The following ARMH3 variants were observed in gnomAD, a reference collection of about 807,000 sequenced individuals.
The protein encoded by ARMH3 is armadillo-like helical domain-containing protein 3.
Under a neutral mutation model 99.1 loss-of-function variants are expected in ARMH3, and 60 were observed. That is an observed-to-expected ratio of 0.61 (90% CI 0.49 to 0.75). The LOEUF (loss-of-function observed/expected upper bound fraction) is 0.75, where lower values mean the gene tolerates loss of function less well. Among genes scored for constraint, ARMH3 ranks in the 30% least tolerant of loss-of-function variants. ARMH3 has a pLI of 0.00. For missense variants in ARMH3, 679 were observed against 843.1 expected, an observed-to-expected ratio of 0.81 and a Z score of 2.41; for synonymous variants, 285 against 292.8, an observed-to-expected ratio of 0.97 and a Z score of 0.27.
chr10:101,913,351 C>T (rs1457820758), intron 23 of ARMH3: 1 of 120,744 alleles, frequency 8.3e-6, no homozygotes, highest in Non-Finnish European at 1.8e-5. Context: ...CTCTCTCTCT[C>T]TCTCTCTCTC....
intron 23 of ARMH3, among the ~76,000 whole-genome samples, chr10:101,916,036 C>T (rs1429467936): frequency 6.6e-6 from 1 of 152,012 alleles, no homozygotes; most frequent in Non-Finnish European, 1.5e-5. Context: ...GATCTCCTGA[C>T]CTCGTGATCC....
Position 102,040,097 on chromosome 10 carries a change from T to C in ARMH3, c.18A>G (p.Lys6=). 6.2e-7 allele frequency: 1 copy of C among 1,614,198 alleles called. No homozygotes were observed. The highest frequency in any genetic ancestry group is 1.6e-4 in the Middle Eastern group (1 of 6,062). The change falls in exon 2 of 26, where the codon AAA becomes AAG. Residue 6 remains lysine, a synonymous_variant. Coordinates refer to ENST00000370033, the MANE Select transcript of ARMH3 (RefSeq NM_024541.3). ...AAGATTTCCGGAGCAAACCTCCACGTTTCTCTACCTGTGCCATGGTTAGAG... is the reference window on the plus strand; with the variant it reads ...AAGATTTCCGGAGCAAACCTCCACGCTTCTCTACCTGTGCCATGGTTAGAG... The part of the protein sequence containing the change: MAQVE[K]RGGLLRKSSA...
At chr10:102,024,797 C>A (rs764656164) in intron 6 of ARMH3, among the ~76,000 whole-genome samples, 1 of 149,372 alleles carries the variant, frequency 6.7e-6, no homozygotes, top group African/African-American at 2.5e-5. Flanking sequence ...CCAGCCTGGG[C>A]GACGGAGCAA....
intron 20 of ARMH3, among the ~76,000 whole-genome samples, chr10:101,960,441 T>C (rs1378140558): frequency 2.0e-5 from 3 of 152,156 alleles, no homozygotes; most frequent in Admixed American, 6.5e-5. Flanking sequence ...TGATTATAGA[T>C]TTTTAGAGCT....
Position 101,924,355 on chromosome 10 carries a change from T to C in ARMH3, c.1781+15508A>G, listed in dbSNP as rs529307414. ...TATTTTACTTTGGTCTTTGTGCTTT[T>C]CTGCATTGCTTTTTTTTTTTTTTTG... On this transcript the variant is annotated intron_variant, in intron 23 of 25. Coordinates refer to ENST00000370033, the MANE Select transcript of ARMH3 (RefSeq NM_024541.3). Among the ~76,000 whole-genome samples the C allele has an allele frequency of 1.9e-3, 291 of 151,800 alleles. 4 individuals are homozygous for C. The highest frequency in any genetic ancestry group is 6.8e-3 in the African/African-American group (281 of 41,416).
intron 23 of ARMH3, among the ~76,000 whole-genome samples, chr10:101,930,012 C>T (rs930632449): frequency 6.6e-6 from 1 of 152,044 alleles, no homozygotes; most frequent in African/African-American, 2.4e-5. Context: ...CATGTTGGTA[C>T]TCAAAAAGTT....
chr10:101,860,612 A>C (rs2066844131), intron 24 of ARMH3, among the ~76,000 whole-genome samples: 1 of 152,232 alleles, frequency 6.6e-6, no homozygotes, highest in African/African-American at 2.4e-5. Context: ...CTAAATATTA[A>C]TAATATGGAT....
At chr10:102,026,111 T>C (rs1000061739) in intron 5 of ARMH3, among the ~76,000 whole-genome samples, 119 of 152,298 alleles carry the variant, frequency 7.8e-4, no homozygotes, top group Non-Finnish European at 2.4e-4. Context: ...AATTTATCAC[T>C]GCACTAAAAG....
At chr10:101,864,400 C>A (rs1298543091) in intron 24 of ARMH3, among the ~76,000 whole-genome samples, 1 of 152,154 alleles carries the variant, frequency 6.6e-6, no homozygotes, top group Non-Finnish European at 1.5e-5. Flanking sequence ...TGGGTATATA[C>A]CCAAAGGATT....
At chr10:101,865,991 C>T (rs1363539976) in intron 24 of ARMH3, among the ~76,000 whole-genome samples, 2 of 151,202 alleles carry the variant, frequency 1.3e-5, no homozygotes, top group South Asian at 2.1e-4. Flanking sequence ...GAGGCCGAGG[C>T]AGGTGGATCA....
intron 1 of ARMH3, among the ~76,000 whole-genome samples, chr10:102,055,801 G>A (rs189060329): frequency 6.6e-6 from 1 of 152,338 alleles, no homozygotes; most frequent in East Asian, 1.9e-4. Flanking sequence ...GGCCCCGCAG[G>A]GATGCGGGAG....
intron 23 of ARMH3, among the ~76,000 whole-genome samples, chr10:101,897,688 C>G (rs2067871542): frequency 6.6e-6 from 1 of 152,050 alleles, no homozygotes; most frequent in African/African-American, 2.4e-5. Flanking sequence ...TAGAAAGTCC[C>G]AAAGGGGAAG....
intron 24 of ARMH3, among the ~76,000 whole-genome samples, chr10:101,881,923 C>T (rs1486382821): frequency 1.3e-5 from 2 of 152,150 alleles, no homozygotes; most frequent in Admixed American, 1.3e-4. Flanking sequence ...TTTTCTCCTC[C>T]GTATGGCCTT....
intron 24 of ARMH3, among the ~76,000 whole-genome samples, chr10:101,860,510 T>C (rs1228768547): frequency 6.6e-6 from 1 of 152,032 alleles, no homozygotes; most frequent in Non-Finnish European, 1.5e-5. Context: ...AGGAGACATA[T>C]AGGTGTTTGG....
chr10:101,921,484 A>G (rs1843302606), intron 23 of ARMH3, among the ~76,000 whole-genome samples: 1 of 152,176 alleles, frequency 6.6e-6, no homozygotes, highest in South Asian at 2.1e-4. Context: ...GCTACTGGGT[A>G]TTTATCCAAA....
At chr10:102,032,070 C>T (rs925994745) in intron 4 of ARMH3, among the ~76,000 whole-genome samples, 20 of 152,184 alleles carry the variant, frequency 1.3e-4, no homozygotes, top group African/African-American at 4.6e-4. Context: ...CTATCAATCA[C>T]TGCCCTAAGT....
At chr10:102,052,105 G>A (rs906971773) in intron 1 of ARMH3, among the ~76,000 whole-genome samples, 5 of 151,916 alleles carry the variant, frequency 3.3e-5, no homozygotes, top group Admixed American at 6.6e-5. Context: ...TTATTCAAAC[G>A]GCACACTGTC....
chr10:101,946,097 A>AAAAAAAAAAAAAAAAAAAAT (rs1844516974), intron 22 of ARMH3, among the ~76,000 whole-genome samples: 1 of 138,250 alleles, frequency 7.2e-6, no homozygotes, highest in African/African-American at 2.7e-5. Context: ...AAAAAAAAAA[A>AAAAAAAAAAAAAAAAAAAAT]AAAAAAGTCC....
intron 20 of ARMH3, among the ~76,000 whole-genome samples, chr10:101,967,216 T>C (rs1204137473): frequency 6.6e-6 from 1 of 152,114 alleles, no homozygotes; most frequent in African/African-American, 2.4e-5. Flanking sequence ...ACCATCTCAG[T>C]TGCTTAGGAG....
Sources: gnomAD v4.1 joint callset for allele counts (sites outside exome capture counted in the v4.1 genomes callset) on GRCh38, gnomAD v4.1.1 for gene constraint, MANE v1.5 for transcripts, NCBI Gene and HGNC (gene_info 2026-07-23, HGNC 2026-07-21) for gene names.